ELMOD1: variants seen among roughly 807,000 people sequenced by gnomAD.
ELMOD1 encodes the protein ELMO domain containing 1, also known as ELMO domain-containing protein 1.
ELMOD1 carries 21 observed loss-of-function variants against 46.7 expected under a neutral mutation model. The ratio of observed to expected loss-of-function variants is 0.45; its 90% CI spans 0.32 to 0.65. The LOEUF (loss-of-function observed/expected upper bound fraction) is 0.65, where lower values mean the gene tolerates loss of function less well. ELMOD1 is among the 30% of genes least tolerant of loss of function. The pLI is 0.04. For synonymous variants in ELMOD1, 122 were observed against 138.2 expected (o/e 0.88, Z 0.82); for missense variants, 348 against 407.8 (o/e 0.85, Z 1.26).
intron 1 of ELMOD1, among the ~76,000 whole-genome samples, chr11:107,609,273 C>G (rs1344489601): frequency 6.6e-6 from 1 of 152,162 alleles, no homozygotes; most frequent in Non-Finnish European, 1.5e-5. Context: ...AATGTGCTGT[C>G]TACAACTTTT....
chr11:107,640,710 T>C (rs1409887414), intron 6 of ELMOD1, among the ~76,000 whole-genome samples: 3 of 152,238 alleles, frequency 2.0e-5, no homozygotes, highest in Non-Finnish European at 4.4e-5. Context: ...GGTCACAACA[T>C]GTACAATTTT....
rs1268896205 is a variant in ELMOD1 at position 107,654,199 on chromosome 11, G to A, written c.675G>A (p.Lys225=). ...AATTCAGCAAAGCAGAATGGGAGAA[G>A]AAAAGGATGGATAAGGCAATTGGGT... ...ISKFSKAEWE[K]KRMDKAIGYS... The change falls in exon 10 of 12, where the codon AAG becomes AAA. Residue 225 remains lysine, a synonymous_variant. Transcript: ENST00000265840. 1.3e-6 allele frequency: 2 copies of A among 1,591,174 alleles called. No individual in the cohort carries two copies. The highest frequency in any genetic ancestry group is 1.7e-6 in the Non-Finnish European group (2 of 1,167,976).
Position 107,665,287 on chromosome 11 carries a change from C to A in ELMOD1, c.*90C>A. ...TAGGTCGCAGCTCACGCATTGAATGCACACAGTGATTGTATGCATGCCTTT... is the reference window on the plus strand; with the variant it reads ...TAGGTCGCAGCTCACGCATTGAATGAACACAGTGATTGTATGCATGCCTTT... On this transcript the variant is annotated 3_prime_UTR_variant, in exon 12 of 12. Transcript: ENST00000265840. 1 of 1,326,738 alleles carries A rather than the reference C, an allele frequency of 7.5e-7. No homozygotes were observed. Among genetic ancestry groups the A allele is most frequent in the Non-Finnish European group, 1.1e-6 (1 of 951,072 alleles). 82.2% of individuals were successfully genotyped at this position (1,326,738 alleles called of 1,614,324 possible). A position where few individuals can be genotyped will look rare whatever the true frequency, so the allele number is the denominator to read the frequency against.
intron 1 of ELMOD1, among the ~76,000 whole-genome samples, chr11:107,610,811 T>C (rs994710739): frequency 1.3e-5 from 2 of 152,070 alleles, no homozygotes. Flanking sequence ...GTTAGAATGC[T>C]ATGCAGAAGA....
At chr11:107,604,632 A>C (rs1409473245) in intron 1 of ELMOD1, among the ~76,000 whole-genome samples, 1 of 152,220 alleles carries the variant, frequency 6.6e-6, no homozygotes, top group East Asian at 1.9e-4. Context: ...ATAATGGTGA[A>C]TTCTACCATT....
At chr11:107,629,949 G>A (rs1173156888) in intron 2 of ELMOD1, among the ~76,000 whole-genome samples, 2 of 152,140 alleles carry the variant, frequency 1.3e-5, no homozygotes, top group Non-Finnish European at 2.9e-5. Context: ...GAATCAAACA[G>A]TGGGATTGGT....
chr11:107,643,692 C>G, intron 6 of ELMOD1: 1 of 516,052 alleles, frequency 1.9e-6, no homozygotes, highest in Non-Finnish European at 4.0e-6. Context: ...TTCCATATAC[C>G]TGCATCTTGG....
chr11:107,657,308 C>A (rs1411730614), intron 11 of ELMOD1, among the ~76,000 whole-genome samples: 1 of 152,152 alleles, frequency 6.6e-6, no homozygotes, highest in Non-Finnish European at 1.5e-5. Context: ...GTTTGGGAGG[C>A]TGAGGCGGGA....
intron 1 of ELMOD1, among the ~76,000 whole-genome samples, chr11:107,615,436 TGTTGG>T (rs1286501358): frequency 1.3e-5 from 2 of 151,998 alleles, no homozygotes; most frequent in African/African-American, 2.4e-5. Flanking sequence ...GGTTTCACCA[TGTTGG>T]CCAGGATGGT....
intron 4 of ELMOD1, 123 bp downstream of exon 4, chr11:107,630,851 G>T: frequency 1.0e-6 from 1 of 955,082 alleles, no homozygotes. Context: ...CAACTGAGAA[G>T]AAATAATCAT....
chr11:107,645,553 G>C (rs1385806744), intron 6 of ELMOD1, among the ~76,000 whole-genome samples: 3 of 151,538 alleles, frequency 2.0e-5, no homozygotes, highest in South Asian at 4.2e-4. Flanking sequence ...TCGAACTCCT[G>C]ACCTGAAGTT....
chr11:107,622,910 T>C (rs1221773816), intron 2 of ELMOD1, among the ~76,000 whole-genome samples: 1 of 152,226 alleles, frequency 6.6e-6, no homozygotes, highest in African/African-American at 2.4e-5. Flanking sequence ...TATTTTTACA[T>C]GTATGTGTGC....
chr11:107,592,503 T>C (rs1167738800), intron 1 of ELMOD1: 1 of 523,690 alleles, frequency 1.9e-6, no homozygotes, highest in Admixed American at 2.0e-5. Flanking sequence ...GGAAAGCAGG[T>C]AGTATGCTTG....
At chr11:107,662,289 G>A (rs1320651959) in intron 11 of ELMOD1, among the ~76,000 whole-genome samples, 1 of 152,130 alleles carries the variant, frequency 6.6e-6, no homozygotes, top group Non-Finnish European at 1.5e-5. Context: ...GACTACAGGT[G>A]CAAGCCACCA....
chr11:107,604,494 G>A (rs1285850373), intron 1 of ELMOD1, among the ~76,000 whole-genome samples: 1 of 152,116 alleles, frequency 6.6e-6, no homozygotes, highest in Non-Finnish European at 1.5e-5. Context: ...CCCGGAATTT[G>A]GAAGTAAGTA....
chr11:107,609,102 C>T (rs1865734714), intron 1 of ELMOD1, among the ~76,000 whole-genome samples: 1 of 152,148 alleles, frequency 6.6e-6, no homozygotes, highest in African/African-American at 2.4e-5. Flanking sequence ...TGTTATTGTT[C>T]ACTTCATAAG....
chr11:107,607,988 T>TGTTTG (rs1344499726), intron 1 of ELMOD1, among the ~76,000 whole-genome samples: 1 of 151,110 alleles, frequency 6.6e-6, no homozygotes, highest in Non-Finnish European at 1.5e-5. Flanking sequence ...GGAATTTTTT[T>TGTTTG]GTTTGTTTTG....
intron 1 of ELMOD1, chr11:107,592,434 T>C (rs1461051452): frequency 3.7e-6 from 2 of 534,608 alleles, no homozygotes; most frequent in Admixed American, 3.9e-5. Flanking sequence ...ATCTCTGCAA[T>C]GTATACGTTT....
chr11:107,620,684 G>A (rs535330623), intron 2 of ELMOD1, among the ~76,000 whole-genome samples: 1 of 152,302 alleles, frequency 6.6e-6, no homozygotes, highest in Non-Finnish European at 1.5e-5. Flanking sequence ...TGGCCAACAT[G>A]GTGAAACCAT....
Sources: gnomAD v4.1 joint callset for allele counts (sites outside exome capture counted in the v4.1 genomes callset) on GRCh38, gnomAD v4.1.1 for gene constraint, MANE v1.5 for transcripts, NCBI Gene and HGNC (gene_info 2026-07-23, HGNC 2026-07-21) for gene names.